The following SIGLEC11 variants were observed in gnomAD, a reference collection of about 807,000 sequenced individuals.
The protein encoded by SIGLEC11 is sialic acid binding Ig like lectin 11.
A neutral mutation model predicts 61.2 loss-of-function variants in SIGLEC11; 47 were observed. The ratio of observed to expected loss-of-function variants is 0.77; its 90% CI spans 0.61 to 0.98. The LOEUF (loss-of-function observed/expected upper bound fraction) is 0.98. SIGLEC11 is among the 50% of genes least tolerant of loss of function. SIGLEC11 has a pLI of 0.00. For synonymous variants in SIGLEC11, 278 were observed against 373.1 expected, an observed-to-expected ratio of 0.75 and a Z score of 2.94; for missense variants, 610 against 870.3, an observed-to-expected ratio of 0.70 and a Z score of 3.76.
chr19:49,949,474 A>G lies in SIGLEC11; in HGVS notation c.*496T>C, dbSNP rs1201623374. Reference sequence around the variant, plus strand: ...CTGGTTTCCTGTGCTTTACACATCCAGAGAAGCTTCTGTAGTAATGAACCA... The same window carrying G: ...CTGGTTTCCTGTGCTTTACACATCCGGAGAAGCTTCTGTAGTAATGAACCA... On this transcript the variant is annotated 3_prime_UTR_variant, in exon 11 of 11. Coordinates refer to ENST00000447370, the MANE Select transcript of SIGLEC11 (RefSeq NM_052884.3). 6.6e-6 allele frequency: 1 copy of G among 151,986 alleles called. No individual in the cohort carries two copies. The highest frequency in any genetic ancestry group is 2.4e-5 in the African/African-American group (1 of 41,332). The allele number at this position is 151,986 out of a possible 1,614,324, so 9.4% of individuals were successfully genotyped here. A position where few individuals can be genotyped will look rare whatever the true frequency, so the allele number is the denominator to read the frequency against.
Position 49,955,897 on chromosome 19 carries a change from T to C in SIGLEC11, c.1651+2386A>G, listed in dbSNP as rs2076192292. Among the ~76,000 whole-genome samples the C allele has an allele frequency of 6.9e-6, 1 of 145,610 alleles. No homozygotes were observed. Among genetic ancestry groups the C allele is most frequent in the Admixed American group, 7.1e-5 (1 of 14,082 alleles). ...TTGCAGTGAGCAGAGATGGCGCCAC[T>C]GCACTCCAGCCAGGGCAACAGAGCG... On this transcript the variant is annotated intron_variant, in intron 8 of 10. Coordinates refer to ENST00000447370, the MANE Select transcript of SIGLEC11 (RefSeq NM_052884.3). The surrounding 1 kb of genome is among the most constrained non-coding windows in gnomAD (Gnocchi z 4.5).
chr19:49,959,181 G>A lies in SIGLEC11; in HGVS notation c.1058-104C>T, dbSNP rs1028975763. The A allele has an allele frequency of 1.1e-5, 17 of 1,560,960 alleles. No homozygotes were observed. The African/African-American group carries it at 1.9e-4, about 18-fold the overall frequency. ...GGTGGGGGAAGTGGGTGGGATAGAAGGGCAGGGCAGAATCACCCACTGAGT... is the reference window on the plus strand; with the variant it reads ...GGTGGGGGAAGTGGGTGGGATAGAAAGGCAGGGCAGAATCACCCACTGAGT... On this transcript the variant is annotated intron_variant, in intron 5 of 10. Transcript: ENST00000447370.
chr19:49,958,592 C>T (rs748410524), intron 7 of SIGLEC11, 22 bp from the exon 8 acceptor site: 16 of 1,567,098 alleles, frequency 1.0e-5, no homozygotes, highest in Non-Finnish European at 1.4e-5. Flanking sequence ...GAGGACAGGA[C>T]TCAGCAGGGG....
At chr19:49,958,192 C>T in intron 8 of SIGLEC11, 91 bp downstream of exon 8, 2 of 1,568,474 alleles carry the variant, frequency 1.3e-6, no homozygotes, top group Non-Finnish European at 1.7e-6. Flanking sequence ...TCCCACCACG[C>T]CCACACCCTC....
At position 49,958,301 on chromosome 19, in the gene SIGLEC11, C is replaced by T; in HGVS notation, c.1633G>A (p.Val545Ile). The T allele has an allele frequency of 6.2e-7, 1 of 1,614,156 alleles. No homozygotes were observed. Among genetic ancestry groups the T allele is most frequent in the Non-Finnish European group, 8.5e-7 (1 of 1,180,022 alleles). ...CCCTCACCTGGTAGCAGCTGGAAGA[C>T]AGAGCCACTCTGGGCCCCGTGGACG... ...WNVHGAQSGS[V>I]FQLLPGKLEH... Residue 545 changes from valine to isoleucine, a missense_variant, in exon 8 of 11, where the codon GTC (valine) becomes ATC (isoleucine). Transcript: ENST00000447370.
At chr19:49,959,204 A>G in intron 5 of SIGLEC11, 127 bp from the exon 6 acceptor site, 1 of 1,463,064 alleles carries the variant, frequency 6.8e-7, no homozygotes. Context: ...TCACCCACTG[A>G]GTCCCAGACA....
At chr19:49,956,884 A>C (rs1026735011) in intron 8 of SIGLEC11, among the ~76,000 whole-genome samples, 5 of 106,294 alleles carry the variant, frequency 4.7e-5, no homozygotes, top group Non-Finnish European at 8.9e-5. Context: ...CCTAGCCCAG[A>C]AAAAAAAAAA....
intron 8 of SIGLEC11, among the ~76,000 whole-genome samples, chr19:49,956,573 T>C (rs187900656): frequency 5.7e-4 from 87 of 152,096 alleles, no homozygotes; most frequent in African/African-American, 2.1e-3. Context: ...CTTTAAGGTA[T>C]CCTGTCTATA....
chr19:49,950,113 G>C lies in SIGLEC11; in HGVS notation c.1954C>G (p.Leu652Val), dbSNP rs1257628582. Reference protein sequence around the residue: ...LHYASLSFQGLRLWEPADQEA... With the variant: ...LHYASLSFQGVRLWEPADQEA... ...TGGTCCGCAGGCTCCCAGAGCCTCA[G>C]GCCCTGGAAGCTGAGGGAGGCATAG... Residue 652 changes from leucine (L) to valine (V), a missense_variant, in exon 11 of 11, where the codon CTG becomes GTG. Coordinates refer to ENST00000447370, the MANE Select transcript of SIGLEC11 (RefSeq NM_052884.3). 6.8e-6 allele frequency: 11 copies of C among 1,613,080 alleles called. No homozygotes were observed. The highest frequency in any genetic ancestry group is 9.3e-6 in the Non-Finnish European group (11 of 1,179,610).
chr19:49,959,682 G>GGGGGGGGGGCCC, intron 4 of SIGLEC11, 59 bp from the exon 5 acceptor site: 1 of 164,076 alleles, frequency 6.1e-6, no homozygotes, highest in Non-Finnish European at 1.1e-5. Flanking sequence ...GGGAGGGGGG[G>GGGGGGGGGGCCC]CTGCAAAGAG....
chr19:49,959,148 G>A, intron 5 of SIGLEC11, 71 bp from the exon 6 acceptor site: 2 of 1,588,036 alleles, frequency 1.3e-6, no homozygotes, highest in Non-Finnish European at 1.7e-6. Context: ...AACTATCCTG[G>A]ACACTGAGGT....
At position 49,960,435 on chromosome 19, in the gene SIGLEC11, C is replaced by T. The variant is rs569078721; in HGVS notation, c.461-14G>A. On this transcript the variant is annotated splice_polypyrimidine_tract_variant and intron_variant, in intron 2 of 10. Coordinates refer to ENST00000447370, the MANE Select transcript of SIGLEC11 (RefSeq NM_052884.3). ...TCTTAGTCAGGGCTGGGACAGAGACCGGGTGGGAGATTCTTGTGCTGCAGG... is the reference window on the plus strand; with the variant it reads ...TCTTAGTCAGGGCTGGGACAGAGACTGGGTGGGAGATTCTTGTGCTGCAGG... 33 of 1,581,796 alleles carry T rather than the reference C, an allele frequency of 2.1e-5. No homozygotes were observed. Among genetic ancestry groups the T allele is most frequent in the African/African-American group, 1.6e-4 (9 of 57,044 alleles).
chr19:49,952,117 C>A lies in SIGLEC11; in HGVS notation c.1749-145G>T, dbSNP rs1437639992. ...CACGGGGTGACTTCCATAGTGAGAA[C>A]TGGGGACCCTCATAGATGGCCCAGA... On this transcript the variant is annotated intron_variant, in intron 9 of 10. Transcript: ENST00000447370. The A allele has an allele frequency of 2.9e-6, 3 of 1,019,618 alleles. No individual in the cohort carries two copies. The Admixed American group carries it at 8.2e-5, about 28-fold the overall frequency. The allele number at this position is 1,019,618 out of a possible 1,614,324, so 63.2% of individuals were successfully genotyped here.
chr19:49,958,774 C>T lies in SIGLEC11; in HGVS notation c.1232G>A (p.Gly411Asp). The T allele has an allele frequency of 1.9e-6, 3 of 1,613,796 alleles. No homozygotes were observed. Among genetic ancestry groups the T allele is most frequent in the Non-Finnish European group, 1.7e-6 (2 of 1,179,858 alleles). The change falls in exon 7 of 11, where the codon GGC (glycine) becomes GAC (aspartate). Residue 411 changes from glycine (G) to aspartate (D), a missense_variant. Physicochemically the swap from Gly to Asp is moderately conservative, Grantham distance 94. Around this residue, in one of 6 missense-constraint regions of SIGLEC11, gnomAD observed 432 missense variants for 441.5 expected, o/e 0.98. Transcript: ENST00000447370. ...CCCGGGGTCTGAGGGCTGGGAGGGG[C>T]CCACGGTCTGTCCCCACCGGGTCCA... ...LSWTRWGQTVGPSQPSDPGVL... is the reference protein window; with the variant it reads ...LSWTRWGQTVDPSQPSDPGVL...
Position 49,951,643 on chromosome 19 carries a change from G to A in SIGLEC11, c.1830+248C>T, listed in dbSNP as rs1181899693. Among the ~76,000 whole-genome samples, 2 of 152,126 alleles carry A rather than the reference G, an allele frequency of 1.3e-5. No individual in the cohort carries two copies. The highest frequency in any genetic ancestry group is 4.8e-5 in the African/African-American group (2 of 41,408). On this transcript the variant is annotated intron_variant, in intron 10 of 10. Transcript: ENST00000447370. This position sits in a 1 kb window ranked among gnomAD's most constrained non-coding sequence, Gnocchi z 4.6. ...AGGAAATGAGGAGTGGGAGGTGGAG[G>A]GTCCACTGGATCTGAGCACAGGCAG...
chr19:49,954,315 C>A (rs1568745655), intron 8 of SIGLEC11, among the ~76,000 whole-genome samples: 1 of 152,142 alleles, frequency 6.6e-6, no homozygotes, highest in Non-Finnish European at 1.5e-5. Flanking sequence ...AGGCCAACAG[C>A]CCTCCAGGAA....
chr19:49,954,966 A>G (rs1324567642), intron 8 of SIGLEC11, among the ~76,000 whole-genome samples: 6 of 152,224 alleles, frequency 3.9e-5, no homozygotes, highest in Non-Finnish European at 5.9e-5. Flanking sequence ...AAAGTGCTTC[A>G]GAGAGCTGAC....
At position 49,958,671 on chromosome 19, in the gene SIGLEC11, C is replaced by G; in HGVS notation, c.1335G>C (p.Gln445His). ...GCACGGAGAGGCTGAGAGAGACGTG[C>G]TGGGAGCCCAGAGGGTGCTGAGCGT... ...TCHAQHPLGS[Q>H]HVSLSLSVHY... Residue 445 changes from glutamine (Q) to histidine (H), a missense_variant, in exon 7 of 11, where the codon CAG becomes CAC. Physicochemically the swap from Gln to His is conservative, Grantham distance 24. Around this residue, in one of 6 missense-constraint regions of SIGLEC11, gnomAD observed 432 missense variants for 441.5 expected, o/e 0.98. Transcript: ENST00000447370. The G allele has an allele frequency of 3.7e-6, 6 of 1,605,762 alleles. No individual in the cohort carries two copies. The highest frequency in any genetic ancestry group is 5.1e-6 in the Non-Finnish European group (6 of 1,175,840).
In SIGLEC11 at chr19:49,959,360, A is replaced by T. The variant is rs766002290; in HGVS notation, c.1057T>A (p.Tyr353Asn). ...QQQALDLSVQ[Y>N]PPENLRVMVS... The stretch of plus-strand genomic sequence containing the variant: ...CCAGGCCCCTGCTAGGCACACTCAC[A>T]CTGCACAGAGAGGTCCAGGGCTTGC... Residue 353 changes from tyrosine to asparagine, a missense_variant and splice_region_variant, in exon 5 of 11, where the codon TAT becomes AAT. By Grantham distance (143) the Tyr-to-Asn change is moderately radical. Coordinates refer to ENST00000447370, the MANE Select transcript of SIGLEC11 (RefSeq NM_052884.3). 1.2e-6 allele frequency: 2 copies of T among 1,600,560 alleles called. No homozygotes were observed. The highest frequency in any genetic ancestry group is 2.3e-5 in the South Asian group (2 of 88,680).
Sources: allele counts gnomAD v4.1 joint callset (sites outside exome capture counted in the v4.1 genomes callset), GRCh38; gene constraint gnomAD v4.1.1; regional missense constraint gnomAD v4.1.1; non-coding constraint Gnocchi (gnomAD v3.1); transcripts MANE v1.5; gene names NCBI Gene and HGNC (gene_info 2026-07-23, HGNC 2026-07-21).